Variants in CA10 observed in about 807,000 individuals in gnomAD.
CA10 encodes the protein carbonic anhydrase 10 (inactive), also known as carbonic anhydrase-related protein 10.
In CA10, 14 loss-of-function variants were observed where a neutral mutation model predicts 44.2. That is an observed-to-expected ratio of 0.32 (90% CI 0.21 to 0.50). CA10 has a LOEUF of 0.50. Among genes scored for constraint, CA10 ranks in the 20% least tolerant of loss-of-function variants. The pLI is 0.99. For synonymous variants in CA10, 159 were observed against 141.6 expected, an observed-to-expected ratio of 1.12 and a Z score of -0.87; for missense variants, 350 against 409.7, an observed-to-expected ratio of 0.85 and a Z score of 1.26.
At chr17:52,040,697 C>T (rs944787189) in intron 2 of CA10, among the ~76,000 whole-genome samples, 4 of 151,946 alleles carry the variant, frequency 2.6e-5, no homozygotes, top group Non-Finnish European at 4.4e-5. Flanking sequence ...GAACCCAAAC[C>T]GAATCCAGTA....
chr17:51,950,902 G>C (rs1434374169), intron 2 of CA10, among the ~76,000 whole-genome samples: 1 of 152,028 alleles, frequency 6.6e-6, no homozygotes, highest in African/African-American at 2.4e-5. Flanking sequence ...TATGTGCTTA[G>C]CTCCTAGGAT....
intron 3 of CA10, among the ~76,000 whole-genome samples, chr17:51,786,085 G>A (rs1174003486): frequency 6.6e-6 from 1 of 152,092 alleles, no homozygotes; most frequent in Non-Finnish European, 1.5e-5. Context: ...TTGTAAATAA[G>A]ATTACTTTTT....
chr17:51,745,050 G>A (rs573586220), intron 4 of CA10, among the ~76,000 whole-genome samples: 5 of 152,174 alleles, frequency 3.3e-5, no homozygotes, highest in Admixed American at 2.6e-4. Context: ...TGGAGCAGTG[G>A]ATGTGTGTGT....
chr17:51,939,265 C>T (rs1289611342), intron 2 of CA10, among the ~76,000 whole-genome samples: 1 of 152,104 alleles, frequency 6.6e-6, no homozygotes, highest in Non-Finnish European at 1.5e-5. Context: ...TACAGAACTT[C>T]TACAGTTTGA....
intron 3 of CA10, among the ~76,000 whole-genome samples, chr17:51,929,978 C>A (rs1982586338): frequency 6.6e-6 from 1 of 152,114 alleles, no homozygotes; most frequent in Non-Finnish European, 1.5e-5. Context: ...TCACTTACAG[C>A]TTTTTGATGA....
At chr17:51,685,385 A>G (rs1029515155) in intron 4 of CA10, among the ~76,000 whole-genome samples, 6 of 152,104 alleles carry the variant, frequency 3.9e-5, no homozygotes, top group African/African-American at 1.4e-4. Context: ...GTCCTCTGGT[A>G]AAGAAAACAA....
chr17:51,693,266 GTAGCCAGTTT>G (rs1429848504), intron 4 of CA10, among the ~76,000 whole-genome samples: 1 of 152,176 alleles, frequency 6.6e-6, no homozygotes, highest in Non-Finnish European at 1.5e-5. Flanking sequence ...TAAAGCAGTG[GTAGCCAGTTT>G]TAGCTGGTTT....
intron 4 of CA10, among the ~76,000 whole-genome samples, chr17:51,670,917 T>C (rs987746916): frequency 6.6e-6 from 1 of 152,170 alleles, no homozygotes; most frequent in African/African-American, 2.4e-5. Context: ...AAAAACAAAA[T>C]GTTAAGCACT....
chr17:51,987,760 G>A (rs1160252765), intron 2 of CA10, among the ~76,000 whole-genome samples: 2 of 151,882 alleles, frequency 1.3e-5, no homozygotes, highest in Admixed American at 6.6e-5. Flanking sequence ...TCACCAAGGC[G>A]ATTAAGAGAG....
intron 1 of CA10, among the ~76,000 whole-genome samples, chr17:52,133,438 T>A (rs1566712): frequency 6.6e-6 from 1 of 151,744 alleles, no homozygotes; most frequent in African/African-American, 2.4e-5. Flanking sequence ...GGAAAGTCAG[T>A]GAAGAGGTGG....
intron 3 of CA10, among the ~76,000 whole-genome samples, chr17:51,791,624 G>A (rs971168064): frequency 3.9e-5 from 6 of 152,110 alleles, no homozygotes; most frequent in African/African-American, 7.2e-5. Flanking sequence ...ACTCATCTGT[G>A]GTCCATAAGG....
intron 1 of CA10, among the ~76,000 whole-genome samples, chr17:52,156,368 C>T (rs770629280): frequency 6.6e-6 from 1 of 152,164 alleles, no homozygotes; most frequent in Non-Finnish European, 1.5e-5. Flanking sequence ...TGGGGTGACC[C>T]CAGGGCACAT....
chr17:51,796,938 G>C (rs931548964), intron 3 of CA10, among the ~76,000 whole-genome samples: 1 of 152,074 alleles, frequency 6.6e-6, no homozygotes, highest in Non-Finnish European at 1.5e-5. Flanking sequence ...ATAATTGTTA[G>C]GGTGACCTCC....
intron 2 of CA10, among the ~76,000 whole-genome samples, chr17:52,038,441 C>T (rs1986678504): frequency 6.6e-6 from 1 of 152,130 alleles, no homozygotes; most frequent in Non-Finnish European, 1.5e-5. Context: ...ATGATTCTTA[C>T]AATACTTCAG....
chr17:52,135,816 C>T (rs929115417), intron 1 of CA10, among the ~76,000 whole-genome samples: 4 of 152,182 alleles, frequency 2.6e-5, no homozygotes, highest in African/African-American at 7.2e-5. Context: ...AGCATAACTA[C>T]GATCATGTGA....
At chr17:51,724,315 C>T (rs1165819728) in intron 4 of CA10, among the ~76,000 whole-genome samples, 1 of 152,164 alleles carries the variant, frequency 6.6e-6, no homozygotes, top group Non-Finnish European at 1.5e-5. Context: ...TGCTTATTTC[C>T]TGCTTAAGGA....
At chr17:52,060,675 C>A (rs1288212338) in intron 2 of CA10, among the ~76,000 whole-genome samples, 1 of 152,110 alleles carries the variant, frequency 6.6e-6, no homozygotes, top group African/African-American at 2.4e-5. Context: ...GTTGAGTTTT[C>A]AGTGGATTAA....
intron 2 of CA10, among the ~76,000 whole-genome samples, chr17:51,941,922 C>A (rs920439059): frequency 3.3e-5 from 5 of 152,080 alleles, no homozygotes; most frequent in Non-Finnish European, 7.4e-5. Flanking sequence ...CTCACTGTCC[C>A]TCTATCCCTT....
intron 3 of CA10, among the ~76,000 whole-genome samples, chr17:51,810,139 C>T (rs1907300410): frequency 6.6e-6 from 1 of 152,148 alleles, no homozygotes; most frequent in Admixed American, 6.5e-5. Context: ...AATCTTAAAT[C>T]TATACAGAAT....
Sources: allele counts gnomAD v4.1 joint callset (sites outside exome capture counted in the v4.1 genomes callset), GRCh38; gene constraint gnomAD v4.1.1; transcripts MANE v1.5; gene names NCBI Gene and HGNC (gene_info 2026-07-23, HGNC 2026-07-21).